The following PID1 variants were observed in gnomAD, a reference collection of about 807,000 sequenced individuals.
The protein encoded by PID1 is phosphotyrosine interaction domain containing 1.
Under a neutral mutation model 19.1 loss-of-function variants are expected in PID1, and 10 were observed. The ratio of observed to expected loss-of-function variants is 0.52; its 90% CI spans 0.32 to 0.89. The LOEUF (loss-of-function observed/expected upper bound fraction) is 0.89. Among genes scored for constraint, PID1 ranks in the 40% least tolerant of loss-of-function variants. PID1 has a pLI of 0.03. For missense variants in PID1, 248 were observed against 285.3 expected (o/e 0.87, Z 0.94); for synonymous variants, 130 against 116.0 (o/e 1.12, Z -0.78).
At chr2:229,128,307 GA>G (rs1410500264) in intron 2 of PID1, among the ~76,000 whole-genome samples, 9 of 152,106 alleles carry the variant, frequency 5.9e-5, no homozygotes, top group African/African-American at 1.9e-4. Context: ...AACCTAAATA[GA>G]AAAAATATTT....
chr2:229,093,394 G>A (rs1694913969), intron 2 of PID1, among the ~76,000 whole-genome samples: 1 of 151,788 alleles, frequency 6.6e-6, no homozygotes, highest in Non-Finnish European at 1.5e-5. Flanking sequence ...CAAGTGCTGG[G>A]ATTACAGGAG....
intron 1 of PID1, among the ~76,000 whole-genome samples, chr2:229,219,036 C>T (rs1484692205): frequency 6.6e-6 from 1 of 152,172 alleles, no homozygotes; most frequent in Admixed American, 6.5e-5. Context: ...CACTAATACA[C>T]ATATATTAAC....
chr2:229,171,227 C>G (rs570922361), intron 1 of PID1, among the ~76,000 whole-genome samples: 1 of 152,296 alleles, frequency 6.6e-6, no homozygotes, highest in South Asian at 2.1e-4. Flanking sequence ...TTGGTTGATG[C>G]AGGATTGAAC....
intron 1 of PID1, among the ~76,000 whole-genome samples, chr2:229,232,340 G>A (rs922667480): frequency 7.0e-6 from 1 of 142,430 alleles, no homozygotes; most frequent in Non-Finnish European, 1.5e-5. Context: ...GTTGAGGCAG[G>A]AGAATGGCCT....
At chr2:229,238,795 G>A (rs1689789833) in intron 1 of PID1, among the ~76,000 whole-genome samples, 1 of 152,026 alleles carries the variant, frequency 6.6e-6, no homozygotes, top group East Asian at 1.9e-4. Flanking sequence ...TGCAGCATGG[G>A]TGCTAGTATT....
intron 1 of PID1, among the ~76,000 whole-genome samples, chr2:229,178,992 C>T (rs1690883444): frequency 6.6e-6 from 1 of 152,156 alleles, no homozygotes; most frequent in African/African-American, 2.4e-5. Flanking sequence ...TGTGAAAACT[C>T]AGTCCAAAGA....
At chr2:229,139,124 A>AGAAAGAAAGAAAGAAAGAAAGAAAGAAAG (rs1689952228) in intron 2 of PID1, among the ~76,000 whole-genome samples, 1 of 110,588 alleles carries the variant, frequency 9.0e-6, no homozygotes, top group African/African-American at 3.7e-5. Context: ...AGAGAAAGAA[A>AGAAAGAAAGAAAGAAAGAAAGAAAGAAAG]GAAAGAAAGA....
intron 1 of PID1, among the ~76,000 whole-genome samples, chr2:229,241,832 AC>A (rs1230054445): frequency 6.6e-6 from 1 of 152,114 alleles, no homozygotes; most frequent in Non-Finnish European, 1.5e-5. Context: ...CTCACATATA[AC>A]AAAATGCTTA....
intron 1 of PID1, among the ~76,000 whole-genome samples, chr2:229,261,661 C>T (rs1441412363): frequency 6.6e-6 from 1 of 152,232 alleles, no homozygotes; most frequent in Non-Finnish European, 1.5e-5. Context: ...GTCCATTCCC[C>T]TCCTGCTCCC....
chr2:229,058,889 G>C (rs951338935), intron 2 of PID1, among the ~76,000 whole-genome samples: 1 of 152,214 alleles, frequency 6.6e-6, no homozygotes, highest in East Asian at 1.9e-4. Flanking sequence ...TCAGAAGTCC[G>C]TGGAAAGTGA....
intron 2 of PID1, among the ~76,000 whole-genome samples, chr2:229,042,240 G>T (rs1375494052): frequency 6.6e-6 from 1 of 152,096 alleles, no homozygotes; most frequent in South Asian, 2.1e-4. Context: ...ATATTGGGGG[G>T]AAATGGGAAA....
At chr2:229,118,100 T>C (rs1695445056) in intron 2 of PID1, among the ~76,000 whole-genome samples, 1 of 152,166 alleles carries the variant, frequency 6.6e-6, no homozygotes, top group African/African-American at 2.4e-5. Context: ...TAGTAAGTAC[T>C]CAATAAATAC....
chr2:229,052,225 C>T (rs1048820271), intron 2 of PID1, among the ~76,000 whole-genome samples: 2 of 151,828 alleles, frequency 1.3e-5, no homozygotes, highest in African/African-American at 4.8e-5. Context: ...ATATGTGGAC[C>T]CAAAGGTTAC....
chr2:229,055,293 C>A (rs1694077479), intron 2 of PID1, among the ~76,000 whole-genome samples: 1 of 152,214 alleles, frequency 6.6e-6, no homozygotes, highest in South Asian at 2.1e-4. Flanking sequence ...TGACTTCCTA[C>A]AATTTATTTC....
intron 2 of PID1, among the ~76,000 whole-genome samples, chr2:229,052,686 G>C (rs1189502494): frequency 1.3e-5 from 2 of 150,732 alleles, no homozygotes; most frequent in Non-Finnish European, 2.9e-5. Context: ...AATTTGACCG[G>C]TGGGAAATGT....
intron 2 of PID1, among the ~76,000 whole-genome samples, chr2:229,077,578 G>C (rs998291236): frequency 6.6e-6 from 1 of 152,128 alleles, no homozygotes; most frequent in Non-Finnish European, 1.5e-5. Context: ...GTAAGGAAGG[G>C]GTCCAGTTTC....
chr2:229,140,422 G>A (rs536702278), intron 2 of PID1, among the ~76,000 whole-genome samples: 1 of 152,026 alleles, frequency 6.6e-6, no homozygotes, highest in East Asian at 1.9e-4. Flanking sequence ...TTACAAATCT[G>A]GTTTTAATAA....
intron 1 of PID1, among the ~76,000 whole-genome samples, chr2:229,157,896 CT>C (rs1690409452): frequency 6.6e-6 from 1 of 152,346 alleles, no homozygotes; most frequent in South Asian, 2.1e-4. Context: ...GTTCCTTCTC[CT>C]TTCAGTCCTT....
chr2:229,045,879 C>T (rs191783795), intron 2 of PID1, among the ~76,000 whole-genome samples: 109 of 152,318 alleles, frequency 7.2e-4, no homozygotes, highest in Admixed American at 1.3e-3. Context: ...AGAGCCCTTG[C>T]CTGGTCACTT....
Sources: allele counts gnomAD v4.1 joint callset (sites outside exome capture counted in the v4.1 genomes callset), GRCh38; gene constraint gnomAD v4.1.1; transcripts MANE v1.5; gene names NCBI Gene and HGNC (gene_info 2026-07-23, HGNC 2026-07-21).